Variants in PES1 observed in about 807,000 individuals in gnomAD.
The protein encoded by PES1 is pescadillo ribosomal biogenesis factor 1.
A neutral mutation model predicts 77.1 loss-of-function variants in PES1; 31 were observed. That is an observed-to-expected ratio of 0.40 (90% CI 0.30 to 0.54). The LOEUF (loss-of-function observed/expected upper bound fraction) is 0.54, where lower values mean the gene tolerates loss of function less well. Ranked by LOEUF, PES1 falls within the 20% of genes least tolerant of loss-of-function variation. The pLI is 0.45. For synonymous variants in PES1, 282 were observed against 303.0 expected (o/e 0.93, Z 0.72); for missense variants, 658 against 771.7 (o/e 0.85, Z 1.75).
At chr22:30,602,089 T>A (rs1279320064) in intron 2 of PES1, among the ~76,000 whole-genome samples, 3 of 151,540 alleles carry the variant, frequency 2.0e-5, no homozygotes, top group Admixed American at 6.6e-5. Context: ...TCTTTTCTTT[T>A]TTTTCTGATG....
At position 30,579,803 on chromosome 22, in the gene PES1, G is replaced by A. The variant is rs754014737; in HGVS notation, c.1302C>T (p.Tyr434=). ...GCAGCTTCAGCTTCTCAGGTGGAAC[G>A]TAATCTCCTTCCTTCTCGGTCACAA... The part of the protein sequence containing the change: ...SPFVTEKEGD[Y]VPPEKLKLLA... Residue 434 remains tyrosine (Y), a synonymous_variant, in exon 12 of 15, where the codon TAC becomes TAT. Coordinates refer to ENST00000354694, the MANE Select transcript of PES1 (RefSeq NM_014303.4). 8.7e-6 allele frequency: 14 copies of A among 1,614,028 alleles called. No homozygotes were observed. The highest frequency in any genetic ancestry group is 2.2e-5 in the South Asian group (2 of 91,082).
chr22:30,589,163 G>C (rs540664925), intron 2 of PES1, 28 bp downstream of exon 2: 1 of 1,578,202 alleles, frequency 6.3e-7, no homozygotes, highest in Non-Finnish European at 8.7e-7. Context: ...TTCACTGCCC[G>C]GGCTTCCCAC....
chr22:30,596,697 G>A (rs1167661525), upstream of PES1, among the ~76,000 whole-genome samples: 4 of 152,194 alleles, frequency 2.6e-5, no homozygotes, highest in African/African-American at 9.6e-5. Context: ...GATGCGTGCT[G>A]GCAGCCCTCA....
chr22:30,587,561 C>A (rs1352029576), intron 3 of PES1, among the ~76,000 whole-genome samples, 166 bp from the exon 4 acceptor site: 2 of 152,150 alleles, frequency 1.3e-5, no homozygotes, highest in East Asian at 3.9e-4. Context: ...AGCAAAAGAG[C>A]CAACTCCAAG....
intron 12 of PES1, 28 bp downstream of exon 12, chr22:30,579,723 A>T (rs1487794795): frequency 1.3e-5 from 21 of 1,607,564 alleles, no homozygotes; most frequent in Non-Finnish European, 1.8e-5. Flanking sequence ...CCCAGGGGTC[A>T]AGGCCAGCCC....
chr22:30,592,326 C>T (rs955941020), upstream of PES1: 3 of 990,308 alleles, frequency 3.0e-6, no homozygotes, highest in Non-Finnish European at 1.2e-6. Context: ...AAGCGGTTCC[C>T]GAGGGGCAGG....
At chr22:30,593,618 T>G (rs759811217), upstream of PES1, among the ~76,000 whole-genome samples, 15 of 152,210 alleles carry the variant, frequency 9.9e-5, no homozygotes, top group Non-Finnish European at 2.1e-4. Flanking sequence ...TCTCACCCTG[T>G]CCCTCACAAA....
Position 30,587,236 on chromosome 22 carries a change from A to G in PES1, c.368+50T>C, listed in dbSNP as rs758323228. 3.2e-6 allele frequency: 4 copies of G among 1,261,754 alleles called. No homozygotes were observed. In the African/African-American group the frequency reaches 4.4e-5, roughly 14 times the overall value. 78.2% of individuals were successfully genotyped at this position (1,261,754 alleles called of 1,614,324 possible). Reference sequence around the variant, plus strand: ...TTGTATCCCTGGTGCTAGGGCAGAGACCAGCAGTAAATGAAGAAACAGCAG... The same window carrying G: ...TTGTATCCCTGGTGCTAGGGCAGAGGCCAGCAGTAAATGAAGAAACAGCAG... On this transcript the variant is annotated intron_variant, in intron 4 of 14. Coordinates refer to ENST00000354694, the MANE Select transcript of PES1 (RefSeq NM_014303.4).
At chr22:30,597,849 C>T (rs116997758) in intron 2 of PES1, among the ~76,000 whole-genome samples, 3 of 146,206 alleles carry the variant, frequency 2.1e-5, no homozygotes, top group Non-Finnish European at 4.5e-5. Flanking sequence ...TGTGGTAACT[C>T]GCTCGGTTTT....
At chr22:30,584,763 G>GGCAC in intron 4 of PES1, 46 bp from the exon 5 acceptor site, 1 of 1,588,538 alleles carries the variant, frequency 6.3e-7, no homozygotes, top group Non-Finnish European at 8.6e-7. Context: ...CAGCGTGGGT[G>GGCAC]CCAAGGGGGA....
chr22:30,601,319 AT>A (rs957403901), intron 2 of PES1, among the ~76,000 whole-genome samples: 241 of 146,606 alleles, frequency 1.6e-3, no homozygotes, highest in African/African-American at 3.9e-3. Flanking sequence ...ATTTGATCTA[AT>A]TTTTTTTTTT....
chr22:30,601,168 G>A (rs1232402455), intron 2 of PES1, among the ~76,000 whole-genome samples: 1 of 152,194 alleles, frequency 6.6e-6, no homozygotes, highest in Non-Finnish European at 1.5e-5. Context: ...GATTCAAAGG[G>A]AGGGGAATTA....
chr22:30,591,834 C>T lies in PES1; in HGVS notation c.-1G>A. 1.3e-6 allele frequency: 2 copies of T among 1,561,844 alleles called. No homozygotes were observed. Among genetic ancestry groups the T allele is most frequent in the Non-Finnish European group, 8.7e-7 (1 of 1,153,892 alleles). ...CCTTCTTCTTCTCAAGGCCTCCCAT[C>T]GCTCCACGTTGAGGAGCCGACTAGG... On this transcript the variant is annotated 5_prime_UTR_variant, in exon 1 of 15. Transcript: ENST00000354694.
upstream of PES1, chr22:30,592,361 G>T: frequency 9.1e-6 from 9 of 988,926 alleles, no homozygotes; most frequent in South Asian, 3.7e-4. Flanking sequence ...AGTTCCCACC[G>T]GCTTCGGGTT....
chr22:30,588,236 C>T, intron 2 of PES1, 62 bp from the exon 3 acceptor site: 2 of 1,601,508 alleles, frequency 1.2e-6, no homozygotes, highest in East Asian at 2.2e-5. Context: ...GCACTGGCCA[C>T]AGCTGGGCCT....
At chr22:30,586,367 T>C (rs1182611826) in intron 4 of PES1, among the ~76,000 whole-genome samples, 1 of 152,148 alleles carries the variant, frequency 6.6e-6, no homozygotes. Context: ...GCACTTCCTG[T>C]GACAGCCCAC....
intron 14 of PES1, 78 bp from the exon 15 acceptor site, chr22:30,577,207 C>T (rs2086914271): frequency 8.4e-7 from 1 of 1,196,346 alleles, no homozygotes; most frequent in East Asian, 2.4e-5. Flanking sequence ...AAAGCTATAT[C>T]CCTTAAAAGC....
At chr22:30,580,238 C>G in intron 10 of PES1, 60 bp from the exon 11 acceptor site, 1 of 1,557,586 alleles carries the variant, frequency 6.4e-7, no homozygotes. Flanking sequence ...TCCTGAGACT[C>G]AGCTCCCTGG....
upstream of PES1, among the ~76,000 whole-genome samples, chr22:30,593,835 G>A (rs1046128597): frequency 1.3e-5 from 2 of 152,222 alleles, no homozygotes; most frequent in African/African-American, 4.8e-5. Context: ...GATCGCTGAA[G>A]ATCACTCAGC....
Sources: allele counts gnomAD v4.1 joint callset (sites outside exome capture counted in the v4.1 genomes callset), GRCh38; gene constraint gnomAD v4.1.1; transcripts MANE v1.5; gene names NCBI Gene and HGNC (gene_info 2026-07-23, HGNC 2026-07-21).